The following STON2 variants were observed in gnomAD, a reference collection of about 807,000 sequenced individuals.
STON2 encodes the protein stonin 2, also known as stonin-2.
Under a neutral mutation model 65.7 loss-of-function variants are expected in STON2, and 29 were observed. The ratio of observed to expected loss-of-function variants is 0.44; its 90% CI spans 0.33 to 0.60. STON2 has a LOEUF of 0.60. STON2 is among the 20% of genes least tolerant of loss of function. The pLI is 0.03. For missense variants in STON2, 1,054 were observed against 1,118.1 expected, an observed-to-expected ratio of 0.94 and a Z score of 0.82; for synonymous variants, 404 against 414.2, an observed-to-expected ratio of 0.98 and a Z score of 0.30.
At chr14:81,350,235 AG>A (rs1897972918) in intron 4 of STON2, among the ~76,000 whole-genome samples, 1 of 152,168 alleles carries the variant, frequency 6.6e-6, no homozygotes, top group South Asian at 2.1e-4. Flanking sequence ...AAATGATAAA[AG>A]TTTGAGGTCA....
At chr14:81,295,714 G>C (rs994864259) in intron 5 of STON2, among the ~76,000 whole-genome samples, 14 of 152,182 alleles carry the variant, frequency 9.2e-5, no homozygotes, top group African/African-American at 3.1e-4. Flanking sequence ...TGAATCTAAG[G>C]CATTCACATA....
At chr14:81,420,717 A>G (rs934778306) in intron 2 of STON2, among the ~76,000 whole-genome samples, 16 of 152,158 alleles carry the variant, frequency 1.1e-4, no homozygotes, top group African/African-American at 3.6e-4. Flanking sequence ...ACTGGTGGAG[A>G]AAATGGACAT....
chr14:81,385,411 GTGTATGTGTATGTA>G (rs140136187), intron 3 of STON2, among the ~76,000 whole-genome samples: 6,401 of 152,248 alleles, frequency 0.042, 482 homozygotes, highest in African/African-American at 0.15. Flanking sequence ...AGGTGTAGTT[GTGTATGTGTATGTA>G]TGTATGTGTG....
rs781357766 is a variant in STON2, at chr14:81,277,728, A to G, written c.1754T>C (p.Ile585Thr). 6.2e-7 allele frequency: 1 copy of G among 1,614,102 alleles called. No individual in the cohort carries two copies. The highest frequency in any genetic ancestry group is 2.2e-5 in the East Asian group (1 of 44,874). Residue 585 changes from isoleucine to threonine, a missense_variant, in exon 6 of 8, where the codon ATT (isoleucine) becomes ACT (threonine). Physicochemically the swap from Ile to Thr is moderately conservative, Grantham distance 89. Transcript: ENST00000614646. ...ATCGTAATTGGTGGTGCCCAGCTTA[A>G]TCACCTGTTCCCTCTCTGCTGTGTG... is the stretch of plus-strand genomic sequence containing the variant. ...VAHTAEREQV[I>T]KLGTTNYDDF...
intron 5 of STON2, among the ~76,000 whole-genome samples, chr14:81,292,193 T>C (rs1402469569): frequency 6.6e-6 from 1 of 152,222 alleles, no homozygotes; most frequent in East Asian, 1.9e-4. Context: ...ATTCCAATTC[T>C]GCACAAATTC....
intron 5 of STON2, among the ~76,000 whole-genome samples, chr14:81,308,504 T>C (rs1253669091): frequency 1.3e-5 from 2 of 151,960 alleles, no homozygotes; most frequent in Non-Finnish European, 2.9e-5. Context: ...GTGCCCAGCC[T>C]AGAAATTATT....
intron 5 of STON2, among the ~76,000 whole-genome samples, chr14:81,299,874 T>C (rs1310919066): frequency 7.7e-6 from 1 of 129,182 alleles, no homozygotes; most frequent in East Asian, 2.2e-4. Context: ...ATTGTTAAGA[T>C]GGAAAAAAAA....
At chr14:81,362,108 T>C (rs903741833) in intron 4 of STON2, among the ~76,000 whole-genome samples, 1 of 152,174 alleles carries the variant, frequency 6.6e-6, no homozygotes, top group African/African-American at 2.4e-5. Flanking sequence ...AATTATGATA[T>C]GATCCAGCAA....
chr14:81,273,078 T>C (rs753860103), intron 6 of STON2, among the ~76,000 whole-genome samples: 1 of 152,262 alleles, frequency 6.6e-6, no homozygotes, highest in Non-Finnish European at 1.5e-5. Context: ...ACAACTCTTT[T>C]AATCTAATTA....
At chr14:81,297,114 G>A (rs1895791539) in intron 5 of STON2, among the ~76,000 whole-genome samples, 1 of 152,184 alleles carries the variant, frequency 6.6e-6, no homozygotes, top group African/African-American at 2.4e-5. Flanking sequence ...TTTCAAGGCA[G>A]GAGAGGTAGC....
rs989460469 is a variant in STON2 at position 81,267,932 on chromosome 14, C to T, written c.*482G>A. ...ACCCAAAGAGGAAATTTGTTTTGCA[C>T]CTTTTCTGAACCTTTTCTAGACAGA... On this transcript the variant is annotated 3_prime_UTR_variant, in exon 8 of 8. Transcript: ENST00000614646. 3.0e-6 allele frequency: 3 copies of T among 985,466 alleles called. No individual in the cohort carries two copies. The highest frequency in any genetic ancestry group is 1.2e-4 in the Admixed American group (2 of 16,274). The allele number at this position is 985,466 out of a possible 1,614,324, so 61.0% of individuals were successfully genotyped here.
chr14:81,349,079 C>T (rs1897926289), intron 4 of STON2, among the ~76,000 whole-genome samples: 2 of 152,054 alleles, frequency 1.3e-5, no homozygotes, highest in Non-Finnish European at 2.9e-5. Context: ...TATCCATATA[C>T]AAAAATCAAC....
intron 1 of STON2, among the ~76,000 whole-genome samples, chr14:81,430,683 A>G (rs900776899): frequency 3.3e-5 from 5 of 152,234 alleles, no homozygotes; most frequent in Admixed American, 6.5e-5. Flanking sequence ...GAAAGAGAGC[A>G]GTAACACTAA....
intron 1 of STON2, among the ~76,000 whole-genome samples, chr14:81,427,863 T>C (rs548889017): frequency 6.6e-6 from 1 of 152,302 alleles, no homozygotes; most frequent in South Asian, 2.1e-4. Flanking sequence ...GTTAACTCTT[T>C]AGAGCACATT....
upstream of STON2, among the ~76,000 whole-genome samples, chr14:81,403,938 G>A (rs1900724458): frequency 6.6e-6 from 1 of 152,078 alleles, no homozygotes; most frequent in South Asian, 2.1e-4. Context: ...AAATTATAAT[G>A]AAATTATTTG....
intron 3 of STON2, among the ~76,000 whole-genome samples, chr14:81,377,802 T>C (rs2140385122): frequency 6.6e-6 from 1 of 152,292 alleles, no homozygotes; most frequent in Non-Finnish European, 1.5e-5. Flanking sequence ...ACTATCTCGA[T>C]ACATTCTCTT....
chr14:81,346,938 T>A (rs1190651156), intron 4 of STON2, among the ~76,000 whole-genome samples: 1 of 151,822 alleles, frequency 6.6e-6, no homozygotes, highest in African/African-American at 2.4e-5. Flanking sequence ...AGGGAAACAA[T>A]AAACGTATAC....
rs889891619 is a variant in STON2, at chr14:81,266,108, G to A, written c.*2306C>T. 2.4e-5 allele frequency: 24 copies of A among 984,468 alleles called. No individual in the cohort carries two copies. The highest frequency in any genetic ancestry group is 8.7e-5 in the African/African-American group (5 of 57,206). The allele number at this position is 984,468 out of a possible 1,614,324, so 61.0% of individuals were successfully genotyped here. A position where few individuals can be genotyped will look rare whatever the true frequency, so the allele number is the denominator to read the frequency against. ...GAAGAAAAAGACAAATGAAGTTAGA[G>A]AGTCTTATTACTATTGAGACTAAAC... On this transcript the variant is annotated 3_prime_UTR_variant, in exon 8 of 8. Transcript: ENST00000614646.
chr14:81,265,681 GTCTCA>G lies in STON2; in HGVS notation c.*2728_*2732del. Reference sequence around the variant, plus strand: ...ATAATAATAATAATAATAATACTCTGTCTCAATAATAATAATAATAATAATTTGTT... The same window carrying G: ...ATAATAATAATAATAATAATACTCTGATAATAATAATAATAATAATTTGTT... On this transcript the variant is annotated 3_prime_UTR_variant, in exon 8 of 8. Coordinates refer to ENST00000614646, the MANE Select transcript of STON2 (RefSeq NM_001394390.1). 1 of 290,290 alleles carries G rather than the reference GTCTCA, an allele frequency of 3.4e-6. No homozygotes were observed. The highest frequency in any genetic ancestry group is 4.7e-6 in the Non-Finnish European group (1 of 212,116). 18.0% of individuals were successfully genotyped at this position (290,290 alleles called of 1,614,324 possible). A position where few individuals can be genotyped will look rare whatever the true frequency, so the allele number is the denominator to read the frequency against.
Sources: allele counts gnomAD v4.1 joint callset (sites outside exome capture counted in the v4.1 genomes callset), GRCh38; gene constraint gnomAD v4.1.1; transcripts MANE v1.5; gene names NCBI Gene and HGNC (gene_info 2026-07-23, HGNC 2026-07-21).